Variants in RABGAP1L observed in about 807,000 individuals in gnomAD.
RABGAP1L encodes the protein rab GTPase-activating protein 1-like.
In RABGAP1L, 63 loss-of-function variants were observed where a neutral mutation model predicts 137.7. The observed-to-expected ratio is 0.46, with a 90% CI of 0.37 to 0.56. RABGAP1L has a LOEUF of 0.56. Among genes scored for constraint, RABGAP1L ranks in the 20% least tolerant of loss-of-function variants. The probability of loss-of-function intolerance (pLI) is 0.00; values close to 1 mark genes in which losing one functional copy is unlikely to be tolerated. For synonymous variants in RABGAP1L, 431 were observed against 433.7 expected, an observed-to-expected ratio of 0.99 and a Z score of 0.08; for missense variants, 1,095 against 1,244.0, an observed-to-expected ratio of 0.88 and a Z score of 1.80.
intron 14 of RABGAP1L, among the ~76,000 whole-genome samples, chr1:174,658,916 TGG>T (rs1676169235): frequency 6.6e-6 from 1 of 152,218 alleles, no homozygotes. Flanking sequence ...TACACAAAAC[TGG>T]TAAACAAATT....
chr1:174,170,671 C>CAAAAA (rs35800051), intron 1 of RABGAP1L, among the ~76,000 whole-genome samples: 1 of 85,356 alleles, frequency 1.2e-5, no homozygotes, highest in African/African-American at 4.1e-5. Flanking sequence ...GACGCTGTTT[C>CAAAAA]AAAAAAAAAA....
chr1:174,253,449 G>T (rs574406725), intron 7 of RABGAP1L, among the ~76,000 whole-genome samples: 2 of 152,112 alleles, frequency 1.3e-5, no homozygotes, highest in Non-Finnish European at 2.9e-5. Context: ...TTATTCTAGG[G>T]AATCTGTGCT....
chr1:174,531,115 A>G (rs1664364376), intron 13 of RABGAP1L, among the ~76,000 whole-genome samples: 1 of 152,166 alleles, frequency 6.6e-6, no homozygotes, highest in South Asian at 2.1e-4. Context: ...TATATAGTAG[A>G]CGCTTTCATT....
intron 13 of RABGAP1L, among the ~76,000 whole-genome samples, chr1:174,576,648 T>A (rs1364684973): frequency 6.6e-6 from 1 of 152,234 alleles, no homozygotes; most frequent in Non-Finnish European, 1.5e-5. Context: ...ACTTTTTCCC[T>A]ATTTATTTAT....
chr1:174,792,087 G>C (rs1412723817), intron 18 of RABGAP1L, among the ~76,000 whole-genome samples: 2 of 152,152 alleles, frequency 1.3e-5, no homozygotes, highest in African/African-American at 4.8e-5. Context: ...GTTCCCTGCC[G>C]TGCATCTGTG....
chr1:174,688,700 A>G (rs1345799491), intron 15 of RABGAP1L, among the ~76,000 whole-genome samples: 1 of 152,150 alleles, frequency 6.6e-6, no homozygotes. Flanking sequence ...TTGTAATTAG[A>G]CAGTAAGATG....
intron 13 of RABGAP1L, among the ~76,000 whole-genome samples, chr1:174,430,120 C>G (rs1652446488): frequency 6.6e-6 from 1 of 152,076 alleles, no homozygotes; most frequent in South Asian, 2.1e-4. Flanking sequence ...TGCAGTGGCT[C>G]ACCCTTGTTA....
intron 13 of RABGAP1L, among the ~76,000 whole-genome samples, chr1:174,613,477 C>G (rs1330857971): frequency 6.6e-6 from 1 of 152,042 alleles, no homozygotes; most frequent in African/African-American, 2.4e-5. Flanking sequence ...TTACTTCCAA[C>G]TATGTGGTCA....
At chr1:174,708,069 A>G (rs1171302230) in intron 17 of RABGAP1L, among the ~76,000 whole-genome samples, 1 of 152,144 alleles carries the variant, frequency 6.6e-6, no homozygotes, top group African/African-American at 2.4e-5. Flanking sequence ...GTAACTTGGT[A>G]TTTTCATGAA....
intron 13 of RABGAP1L, among the ~76,000 whole-genome samples, chr1:174,623,186 G>T (rs1672671194): frequency 6.6e-6 from 1 of 152,074 alleles, no homozygotes; most frequent in African/African-American, 2.4e-5. Flanking sequence ...ATTTTATTAT[G>T]AATAATATTT....
chr1:174,671,814 C>T (rs979637708), intron 14 of RABGAP1L, among the ~76,000 whole-genome samples: 1 of 152,058 alleles, frequency 6.6e-6, no homozygotes, highest in Non-Finnish European at 1.5e-5. Context: ...TAATGCTGGT[C>T]TAGCAGAATG....
At chr1:174,427,970 A>T (rs1652157992) in intron 13 of RABGAP1L, among the ~76,000 whole-genome samples, 1 of 152,190 alleles carries the variant, frequency 6.6e-6, no homozygotes, top group Non-Finnish European at 1.5e-5. Context: ...ATTGCTTAGT[A>T]AATTATTTCG....
intron 12 of RABGAP1L, among the ~76,000 whole-genome samples, chr1:174,377,759 C>CTCTCTCT (rs370030450): frequency 7.1e-6 from 1 of 141,824 alleles, no homozygotes; most frequent in Non-Finnish European, 1.5e-5. Context: ...AACTGCAACT[C>CTCTCTCT]TTTTTTTTTT....
intron 13 of RABGAP1L, among the ~76,000 whole-genome samples, chr1:174,530,835 A>ATACG (rs10593203): frequency 7.9e-6 from 1 of 126,372 alleles, no homozygotes; most frequent in Non-Finnish European, 1.5e-5. Flanking sequence ...ACATACATAC[A>ATACG]TACGTACGTT....
intron 1 of RABGAP1L, among the ~76,000 whole-genome samples, chr1:174,178,219 GTTATT>G (rs1412919283): frequency 1.3e-5 from 2 of 152,092 alleles, no homozygotes; most frequent in African/African-American, 4.8e-5. Flanking sequence ...TGTATTCCTA[GTTATT>G]TTATTCTCTT....
intron 13 of RABGAP1L, among the ~76,000 whole-genome samples, chr1:174,394,487 A>G (rs1647570106): frequency 6.6e-6 from 1 of 152,116 alleles, no homozygotes; most frequent in Non-Finnish European, 1.5e-5. Context: ...ATACATAGTT[A>G]CTCTTGTATA....
chr1:174,615,403 C>T (rs1190731436), intron 13 of RABGAP1L, among the ~76,000 whole-genome samples: 2 of 152,172 alleles, frequency 1.3e-5, no homozygotes, highest in Non-Finnish European at 2.9e-5. Flanking sequence ...TTTCGTGAAC[C>T]ACAAATGCTG....
chr1:174,901,924 C>T (rs1337964853), intron 19 of RABGAP1L, among the ~76,000 whole-genome samples: 1 of 152,190 alleles, frequency 6.6e-6, no homozygotes, highest in Non-Finnish European at 1.5e-5. Flanking sequence ...AATCAGGCCA[C>T]TCTATCTATC....
intron 13 of RABGAP1L, among the ~76,000 whole-genome samples, chr1:174,470,320 A>T (rs547093130): frequency 2.6e-5 from 4 of 152,224 alleles, no homozygotes; most frequent in African/African-American, 9.6e-5. Context: ...TGTACATTCT[A>T]TGTAAATTTG....
Sources: gnomAD v4.1 joint callset for allele counts (sites outside exome capture counted in the v4.1 genomes callset) on GRCh38, gnomAD v4.1.1 for gene constraint, MANE v1.5 for transcripts, NCBI Gene and HGNC (gene_info 2026-07-23, HGNC 2026-07-21) for gene names.